KCNN1: variants seen among roughly 807,000 people sequenced by gnomAD.
KCNN1 encodes potassium calcium-activated channel subfamily N member 1.
KCNN1 carries 20 observed loss-of-function variants against 44.7 expected under a neutral mutation model. The observed-to-expected ratio is 0.45, with a 90% CI of 0.32 to 0.65. The LOEUF is 0.65. Ranked by LOEUF, KCNN1 falls within the 30% of genes least tolerant of loss-of-function variation. The pLI is 0.05. For missense variants in KCNN1, 632 were observed against 785.3 expected, an observed-to-expected ratio of 0.80 and a Z score of 2.33; for synonymous variants, 324 against 341.7, an observed-to-expected ratio of 0.95 and a Z score of 0.57.
intron 3 of KCNN1, among the ~76,000 whole-genome samples, 170 bp downstream of exon 3, chr19:17,975,357 TG>T (rs1184919641): frequency 5.3e-5 from 8 of 152,316 alleles, no homozygotes; most frequent in Non-Finnish European, 8.8e-5. Context: ...TAGATTTCCT[TG>T]AAACACACAT....
Position 17,974,340 on chromosome 19 carries a change from C to A in KCNN1, c.402+50C>A. The A allele has an allele frequency of 6.7e-7, 1 of 1,499,944 alleles. No individual in the cohort carries two copies. Among genetic ancestry groups the A allele is most frequent in the South Asian group, 1.3e-5 (1 of 74,480 alleles). The allele number at this position is 1,499,944 out of a possible 1,614,324, so 92.9% of individuals were successfully genotyped here. The stretch of plus-strand genomic sequence containing the variant: ...CTCCAGGGAGGTTCCACCAAGCCCG[C>A]CTAGCTTTCTTGACATGGGGTTGGG... On this transcript the variant is annotated intron_variant, in intron 2 of 9. Transcript: ENST00000684775. This position sits in a 1 kb window ranked among gnomAD's most constrained non-coding sequence, Gnocchi z 7.3.
At chr19:17,971,015 C>T (rs551194877) in intron 1 of KCNN1, among the ~76,000 whole-genome samples, 1 of 152,028 alleles carries the variant, frequency 6.6e-6, no homozygotes, top group Non-Finnish European at 1.5e-5. Flanking sequence ...TCCCAAGTAG[C>T]TGGGATTACA....
At chr19:17,970,097 C>T (rs2031958249) in intron 1 of KCNN1, among the ~76,000 whole-genome samples, 1 of 151,984 alleles carries the variant, frequency 6.6e-6, no homozygotes, top group Non-Finnish European at 1.5e-5. Flanking sequence ...GCCTGATAAA[C>T]TGGGAAGTAC....
intron 6 of KCNN1, among the ~76,000 whole-genome samples, chr19:17,988,826 G>A (rs983556376): frequency 2.0e-5 from 3 of 151,710 alleles, no homozygotes; most frequent in Non-Finnish European, 2.9e-5. Context: ...CAGGAGAATC[G>A]CTTGAGCCTG....
intron 6 of KCNN1, 104 bp from the exon 7 acceptor site, chr19:17,989,612 G>GC: frequency 2.0e-6 from 3 of 1,537,206 alleles, no homozygotes; most frequent in Non-Finnish European, 2.7e-6. Flanking sequence ...ACCCTGAGAG[G>GC]CATTTCCAGA....
chr19:17,959,168 G>A lies in KCNN1; in HGVS notation c.-82+4487G>A, dbSNP rs539947493. Among the ~76,000 whole-genome samples, 6 of 151,588 alleles carry A rather than the reference G, an allele frequency of 4.0e-5. No individual in the cohort carries two copies. In the East Asian group the frequency reaches 9.7e-4, roughly 24 times the overall value. On this transcript the variant is annotated intron_variant, in intron 2 of 10. Transcript: ENST00000222249. ...GCCTCCCGAGTAGCTGGGATTATACGCGTGCGCCACCACACCCAGCTAATT... is the reference window on the plus strand; with the variant it reads ...GCCTCCCGAGTAGCTGGGATTATACACGTGCGCCACCACACCCAGCTAATT...
intron 7 of KCNN1, among the ~76,000 whole-genome samples, chr19:17,992,747 G>A (rs560478771): frequency 2.6e-5 from 4 of 152,306 alleles, no homozygotes; most frequent in African/African-American, 4.8e-5. Flanking sequence ...GGTGCGGATG[G>A]GCAGTGGCTT....
chr19:17,956,056 G>T (rs2031537799), intron 2 of KCNN1, among the ~76,000 whole-genome samples: 1 of 152,148 alleles, frequency 6.6e-6, no homozygotes, highest in South Asian at 2.1e-4. Flanking sequence ...TCCTGCTTCA[G>T]CCTCCCAAGT....
Position 17,985,446 on chromosome 19 carries a change from G to A in KCNN1, c.1052G>A (p.Gly351Asp). The A allele has an allele frequency of 6.3e-7, 1 of 1,589,374 alleles. No individual in the cohort carries two copies. ...YCGKGVCLLT[G>D]IMGAGCTALV... is the part of the protein sequence containing the mutation. The stretch of plus-strand genomic sequence containing the variant: ...GGGAAGGGTGTGTGCCTGCTCACTG[G>A]CATCATGGTAAGGGTGAGGGTCCAT... Residue 351 changes from glycine to aspartate, a missense_variant, in exon 5 of 10, where the codon GGC becomes GAC. Physicochemically the swap from Gly to Asp is moderately conservative, Grantham distance 94. Transcript: ENST00000684775.
chr19:17,978,357 C>G (rs1166231890), intron 3 of KCNN1, among the ~76,000 whole-genome samples: 3 of 150,424 alleles, frequency 2.0e-5, no homozygotes, highest in African/African-American at 4.9e-5. Context: ...GAACTCCTGA[C>G]CTCGTGTTCC....
At position 17,974,185 on chromosome 19, in the gene KCNN1, C is replaced by T. The variant is rs772485816; in HGVS notation, c.297C>T (p.Leu99=). 3 of 1,612,568 alleles carry T rather than the reference C, an allele frequency of 1.9e-6. No homozygotes were observed. Among genetic ancestry groups the T allele is most frequent in the Non-Finnish European group, 2.5e-6 (3 of 1,179,790 alleles). The change falls in exon 2 of 10, where the codon CTC becomes CTT. Residue 99 remains leucine, a synonymous_variant. Coordinates refer to ENST00000684775, the MANE Select transcript of KCNN1 (RefSeq NM_001386974.1). The surrounding 1 kb of genome is among the most constrained non-coding windows in gnomAD (Gnocchi z 7.3). ...ACCGCCTGGGCCACCGGCGGGCGCT[C>T]TTCGAGAAGCGGAAGCGCCTCAGCG... ...VGHRLGHRRA[L]FEKRKRLSDY...
chr19:17,990,627 C>T (rs1473897881), intron 7 of KCNN1, among the ~76,000 whole-genome samples: 5 of 151,276 alleles, frequency 3.3e-5, no homozygotes, highest in South Asian at 2.1e-4. Context: ...AGTGAAACCT[C>T]GTCTCTACTA....
rs1599369200 is a variant in KCNN1 at position 17,985,204 on chromosome 19, G to C, written c.918-108G>C. 3 of 1,097,940 alleles carry C rather than the reference G, an allele frequency of 2.7e-6. No individual in the cohort carries two copies. The Admixed American group carries it at 8.9e-5, about 32-fold the overall frequency. 68.0% of individuals were successfully genotyped at this position (1,097,940 alleles called of 1,614,324 possible). ...CCACAGGACATAGCCCCAACGCAGC[G>C]AGGTGGACTCAGGGCCCTCCAGCCC... On this transcript the variant is annotated intron_variant, in intron 4 of 9. Transcript: ENST00000684775.
At chr19:17,970,167 C>G (rs1200938947) in intron 1 of KCNN1, among the ~76,000 whole-genome samples, 1 of 151,686 alleles carries the variant, frequency 6.6e-6, no homozygotes, top group Non-Finnish European at 1.5e-5. Flanking sequence ...GGAGGTCAGG[C>G]CTTACAAGCT....
Position 17,983,334 on chromosome 19 carries a change from G to A in KCNN1, c.917+1207G>A, listed in dbSNP as rs901193062. On this transcript the variant is annotated intron_variant, in intron 4 of 9. Transcript: ENST00000684775. The surrounding 1 kb of genome is among the most constrained non-coding windows in gnomAD (Gnocchi z 4.5). Reference sequence around the variant, plus strand: ...CTGGCTGGACCCCTGCTTGCCCTCAGCACCCCATCCTCATCCCTCCACCCA... The same window carrying A: ...CTGGCTGGACCCCTGCTTGCCCTCAACACCCCATCCTCATCCCTCCACCCA... Among the ~76,000 whole-genome samples, 1 of 152,092 alleles carries A rather than the reference G, an allele frequency of 6.6e-6. No homozygotes were observed. The highest frequency in any genetic ancestry group is 1.5e-5 in the Non-Finnish European group (1 of 67,956).
chr19:17,998,625 C>T lies in KCNN1; in HGVS notation c.*219C>T, dbSNP rs1330427939. On this transcript the variant is annotated 3_prime_UTR_variant, in exon 10 of 10. Coordinates refer to ENST00000684775, the MANE Select transcript of KCNN1 (RefSeq NM_001386974.1). This position sits in a 1 kb window ranked among gnomAD's most constrained non-coding sequence, Gnocchi z 5.4. Reference sequence around the variant, plus strand: ...GAGCTTCCTCTGGTCACCTGGTCCCCCGACTCTCCCCAGGCCCCCGGTGGG... The same window carrying T: ...GAGCTTCCTCTGGTCACCTGGTCCCTCGACTCTCCCCAGGCCCCCGGTGGG... The T allele has an allele frequency of 6.2e-6, 3 of 485,812 alleles. No individual in the cohort carries two copies. Among genetic ancestry groups the T allele is most frequent in the Non-Finnish European group, 1.1e-5 (3 of 282,016 alleles). 30.1% of individuals were successfully genotyped at this position (485,812 alleles called of 1,614,324 possible). A position where few individuals can be genotyped will look rare whatever the true frequency, so the allele number is the denominator to read the frequency against.
Position 17,967,170 on chromosome 19 carries a change from C to G in KCNN1, c.-229C>G. 1.1e-5 allele frequency: 10 copies of G among 948,990 alleles called. No individual in the cohort carries two copies. The highest frequency in any genetic ancestry group is 1.3e-5 in the Non-Finnish European group (10 of 798,954). The allele number at this position is 948,990 out of a possible 1,614,324, so 58.8% of individuals were successfully genotyped here. A position where few individuals can be genotyped will look rare whatever the true frequency, so the allele number is the denominator to read the frequency against. On this transcript the variant is annotated 5_prime_UTR_variant, in exon 1 of 10. Coordinates refer to ENST00000684775, the MANE Select transcript of KCNN1 (RefSeq NM_001386974.1). The stretch of plus-strand genomic sequence containing the variant: ...GGGGGATGCGCCTGCCGCCGCCGCC[C>G]CCGGCCCCGCCGCCCCCGGGCCCCG...
intron 3 of KCNN1, among the ~76,000 whole-genome samples, chr19:17,980,744 A>G (rs1156250426): frequency 6.6e-6 from 1 of 151,310 alleles, no homozygotes; most frequent in African/African-American, 2.4e-5. Context: ...TCTACAGGAA[A>G]TTTAAAAAAT....
intron 3 of KCNN1, 51 bp downstream of exon 3, chr19:17,975,238 C>G (rs2032167399): frequency 1.5e-6 from 2 of 1,353,146 alleles, no homozygotes; most frequent in Admixed American, 3.4e-5. Flanking sequence ...ACCCCAGATC[C>G]CCCCACACCA....
Sources: gnomAD v4.1 joint callset for allele counts (sites outside exome capture counted in the v4.1 genomes callset) on GRCh38, gnomAD v4.1.1 for gene constraint, Gnocchi (gnomAD v3.1) non-coding constraint, MANE v1.5 for transcripts, NCBI Gene and HGNC (gene_info 2026-07-23, HGNC 2026-07-21) for gene names.